ANKS1B: variants seen among roughly 807,000 people sequenced by gnomAD.
The protein encoded by ANKS1B is ankyrin repeat and sterile alpha motif domain containing 1B, also known as ankyrin repeat and sterile alpha motif domain-containing protein 1B.
Under a neutral mutation model 148.3 loss-of-function variants are expected in ANKS1B, and 36 were observed. The ratio of observed to expected loss-of-function variants is 0.24; its 90% CI spans 0.19 to 0.32. The LOEUF (loss-of-function observed/expected upper bound fraction) is 0.32. Among genes scored for constraint, ANKS1B ranks in the 10% least tolerant of loss-of-function variants. ANKS1B has a pLI of 1.00. For synonymous variants in ANKS1B, 542 were observed against 560.8 expected (o/e 0.97, Z 0.47); for missense variants, 1,157 against 1,542.6 (o/e 0.75, Z 4.19).
In ANKS1B at chr12:99,134,682, CACACACACACACACACA is replaced by C. The variant is rs1359241565; in HGVS notation, c.2526+19590_2526+19606del. 6.7e-5 allele frequency among the ~76,000 whole-genome samples: 10 copies of C among 149,984 alleles called. No individual in the cohort carries two copies. The East Asian group carries it at 2.0e-3, about 29-fold the overall frequency. On this transcript the variant is annotated intron_variant, in intron 15 of 26. Coordinates refer to ENST00000683438, the MANE Select transcript of ANKS1B (RefSeq NM_001352186.2). ...ACACACACACACACACACACACACA[CACACACACACACACACA>C]CCAGGCATTTACCCTCCATTCTCAG...
chr12:99,508,287 T>C (rs2096731972), intron 9 of ANKS1B, among the ~76,000 whole-genome samples: 1 of 151,776 alleles, frequency 6.6e-6, no homozygotes, highest in African/African-American at 2.4e-5. Flanking sequence ...ATGAAGTCTC[T>C]TGGAGCAAGT....
intron 11 of ANKS1B, among the ~76,000 whole-genome samples, chr12:99,424,654 C>T (rs1408537986): frequency 6.6e-6 from 1 of 151,436 alleles, no homozygotes; most frequent in Non-Finnish European, 1.5e-5. Flanking sequence ...CACATACACA[C>T]ACACACCCAT....
chr12:98,814,891 A>C (rs2099126933), intron 19 of ANKS1B, among the ~76,000 whole-genome samples: 1 of 151,788 alleles, frequency 6.6e-6, no homozygotes, highest in African/African-American at 2.4e-5. Context: ...TTCAGTTCAG[A>C]CCTCTCTCTT....
chr12:98,807,784 CTG>C (rs1036223967), intron 20 of ANKS1B, 58 bp downstream of exon 20: 1 of 1,450,008 alleles, frequency 6.9e-7, no homozygotes, highest in African/African-American at 1.4e-5. Context: ...GTTGACAACA[CTG>C]TGCAACACAG....
chr12:98,825,778 G>C (rs921098584), intron 19 of ANKS1B, among the ~76,000 whole-genome samples: 2 of 152,008 alleles, frequency 1.3e-5, no homozygotes, highest in African/African-American at 4.8e-5. Flanking sequence ...AACTTCTGAA[G>C]ACTGCAATTA....
At chr12:99,005,967 A>C (rs1199772214) in intron 17 of ANKS1B, among the ~76,000 whole-genome samples, 1 of 152,206 alleles carries the variant, frequency 6.6e-6, no homozygotes, top group South Asian at 2.1e-4. Context: ...TCTTCTTCCA[A>C]TGACTGAAGA....
At chr12:99,959,759 G>C (rs893839225) in intron 1 of ANKS1B, among the ~76,000 whole-genome samples, 2 of 152,152 alleles carry the variant, frequency 1.3e-5, no homozygotes, top group African/African-American at 4.8e-5. Flanking sequence ...ACACTGAACA[G>C]CGTCCAAATT....
At chr12:99,968,401 A>G (rs188835666) in intron 1 of ANKS1B, among the ~76,000 whole-genome samples, 1 of 150,778 alleles carries the variant, frequency 6.6e-6, no homozygotes, top group East Asian at 2.0e-4. Context: ...CTAAAAATAC[A>G]AAAAAAAATA....
At chr12:99,719,214 T>C (rs771906115) in intron 8 of ANKS1B, among the ~76,000 whole-genome samples, 17 of 152,204 alleles carry the variant, frequency 1.1e-4, no homozygotes, top group African/African-American at 2.9e-4. Context: ...ACTCACTCTC[T>C]ACAGTTCTCA....
intron 12 of ANKS1B, among the ~76,000 whole-genome samples, chr12:99,317,465 T>C (rs1051238430): frequency 3.9e-5 from 6 of 152,126 alleles, no homozygotes; most frequent in African/African-American, 9.7e-5. Context: ...GCTCTCTGTT[T>C]GTCTGTGATT....
intron 11 of ANKS1B, among the ~76,000 whole-genome samples, chr12:99,418,452 C>G (rs2094974103): frequency 6.6e-6 from 1 of 152,018 alleles, no homozygotes; most frequent in Non-Finnish European, 1.5e-5. Flanking sequence ...CACAGAAATA[C>G]AATTTTTTTA....
chr12:99,891,797 G>GA (rs1014940317), intron 1 of ANKS1B, among the ~76,000 whole-genome samples: 3 of 152,076 alleles, frequency 2.0e-5, no homozygotes, highest in East Asian at 3.9e-4. Context: ...TATGCTTTTA[G>GA]AAAAAAATCT....
intron 9 of ANKS1B, among the ~76,000 whole-genome samples, chr12:99,637,013 GTGA>G (rs1272165653): frequency 1.3e-5 from 2 of 152,278 alleles, no homozygotes; most frequent in East Asian, 3.9e-4. Flanking sequence ...TCAGTCAACA[GTGA>G]TGATGATGGC....
At chr12:99,580,651 A>G (rs1378941049) in intron 9 of ANKS1B, among the ~76,000 whole-genome samples, 3 of 152,194 alleles carry the variant, frequency 2.0e-5, no homozygotes, top group African/African-American at 7.2e-5. Flanking sequence ...AAATATGGTT[A>G]GACCTAAGGA....
At chr12:99,156,514 A>T (rs530238216) in intron 14 of ANKS1B, among the ~76,000 whole-genome samples, 1 of 152,246 alleles carries the variant, frequency 6.6e-6, no homozygotes, top group South Asian at 2.1e-4. Flanking sequence ...TTCATGATTG[A>T]CTGCAGTTCA....
At position 99,463,402 on chromosome 12, in the gene ANKS1B, C is replaced by CTAGTGA. The variant is rs1812709690; in HGVS notation, c.1439-19594_1439-19593insTCACTA. ...ATTTCTGCATTTCCATCTGAGGTAC[C>CTAGTGA]GGGTTCATCTCACTAGGGAGTGCCA... is the stretch of plus-strand genomic sequence containing the variant. On this transcript the variant is annotated intron_variant, in intron 10 of 26. Transcript: ENST00000683438. 3.3e-5 allele frequency among the ~76,000 whole-genome samples: 5 copies of CTAGTGA among 152,278 alleles called. No individual in the cohort carries two copies. In the South Asian group the frequency reaches 1.0e-3, roughly 32 times the overall value.
intron 15 of ANKS1B, among the ~76,000 whole-genome samples, chr12:99,115,801 G>A (rs760386569): frequency 2.1e-4 from 32 of 151,836 alleles, no homozygotes; most frequent in Middle Eastern, 3.4e-3. Context: ...CTGTGGTGGC[G>A]CATGCCTGTA....
At chr12:99,513,012 A>G (rs2096781847) in intron 9 of ANKS1B, among the ~76,000 whole-genome samples, 1 of 151,810 alleles carries the variant, frequency 6.6e-6, no homozygotes, top group South Asian at 2.1e-4. Context: ...TTTACCTAAC[A>G]AACTTGCACA....
chr12:99,057,815 A>T (rs1416116111), intron 16 of ANKS1B, among the ~76,000 whole-genome samples: 3 of 152,188 alleles, frequency 2.0e-5, no homozygotes, highest in African/African-American at 7.2e-5. Flanking sequence ...AAGAATAGCA[A>T]GTGCTGAGAA....
Sources: allele counts gnomAD v4.1 joint callset (sites outside exome capture counted in the v4.1 genomes callset), GRCh38; gene constraint gnomAD v4.1.1; transcripts MANE v1.5; gene names NCBI Gene and HGNC (gene_info 2026-07-23, HGNC 2026-07-21).